CDIN1: variants seen among roughly 807,000 people sequenced by gnomAD.
CDIN1 encodes the protein CDAN1 interacting nuclease 1, also known as CDAN1-interacting nuclease 1.
CDIN1 carries 33 observed loss-of-function variants against 45.3 expected under a neutral mutation model. The ratio of observed to expected loss-of-function variants is 0.73; its 90% CI spans 0.55 to 0.97. CDIN1 has a LOEUF of 0.97. Among genes scored for constraint, CDIN1 ranks in the 50% least tolerant of loss-of-function variants. The pLI, the probability that CDIN1 is intolerant of heterozygous loss-of-function variation, is 0.00. For synonymous variants in CDIN1, 118 were observed against 124.4 expected (o/e 0.95, Z 0.34); for missense variants, 303 against 339.4 (o/e 0.89, Z 0.84).
At chr15:36,727,278 A>G (rs931643985) in intron 10 of CDIN1, among the ~76,000 whole-genome samples, 24 of 151,916 alleles carry the variant, frequency 1.6e-4, no homozygotes, top group Admixed American at 2.0e-4. Flanking sequence ...TATCTGCCAA[A>G]TTTAAGTTAA....
At chr15:36,657,054 GA>G (rs2040811437) in intron 4 of CDIN1, among the ~76,000 whole-genome samples, 1 of 152,080 alleles carries the variant, frequency 6.6e-6, no homozygotes, top group Admixed American at 6.5e-5. Context: ...CCCCAAAGAA[GA>G]CAATATCTTT....
At chr15:36,779,404 C>T (rs181991697) in intron 10 of CDIN1, among the ~76,000 whole-genome samples, 30 of 152,228 alleles carry the variant, frequency 2.0e-4, no homozygotes, top group Admixed American at 1.6e-3. Flanking sequence ...GTTCAAATCT[C>T]GCTCCCTACA....
chr15:36,702,056 C>T (rs1216367113), intron 8 of CDIN1: 3 of 701,982 alleles, frequency 4.3e-6, no homozygotes, highest in African/African-American at 3.5e-5. Context: ...ATTTAGAATA[C>T]CAAGACTGTG....
intron 10 of CDIN1, among the ~76,000 whole-genome samples, chr15:36,717,737 T>G (rs912555145): frequency 6.6e-6 from 1 of 152,136 alleles, no homozygotes; most frequent in African/African-American, 2.4e-5. Context: ...ATTTTTACCT[T>G]TTTACAAAAT....
Position 36,761,306 on chromosome 15 carries a change from T to C in CDIN1, c.717-47018T>C, listed in dbSNP as rs192978764. Among the ~76,000 whole-genome samples the C allele has an allele frequency of 5.8e-4, 89 of 152,340 alleles. 1 individual carries two copies. Among genetic ancestry groups the C allele is most frequent in the East Asian group, 5.6e-3 (29 of 5,184 alleles). On this transcript the variant is annotated intron_variant, in intron 10 of 10. Transcript: ENST00000566621. ...CACTGTAGATTGTTTCCGTTGTGCATATAATTGCTTCATTGCTAGTAACTG... is the reference window on the plus strand; with the variant it reads ...CACTGTAGATTGTTTCCGTTGTGCACATAATTGCTTCATTGCTAGTAACTG...
intron 1 of CDIN1, chr15:36,640,675 G>T: frequency 1.0e-6 from 1 of 984,178 alleles, no homozygotes. Context: ...GCATGCTTTA[G>T]CTGTCCATCT....
chr15:36,775,145 A>C (rs942389657), intron 10 of CDIN1, among the ~76,000 whole-genome samples: 12 of 152,338 alleles, frequency 7.9e-5, no homozygotes, highest in African/African-American at 2.9e-4. Flanking sequence ...GAAATAACTT[A>C]CCAAACTTTT....
chr15:36,699,856 A>C (rs964429980), intron 8 of CDIN1, among the ~76,000 whole-genome samples: 11 of 152,302 alleles, frequency 7.2e-5, no homozygotes, highest in African/African-American at 2.6e-4. Context: ...GAAGATTTGA[A>C]TGTACTGATA....
chr15:36,694,220 G>A (rs2042346085), intron 7 of CDIN1, among the ~76,000 whole-genome samples: 1 of 152,184 alleles, frequency 6.6e-6, no homozygotes, highest in Non-Finnish European at 1.5e-5. Context: ...CTGCATTGAA[G>A]TAGTAGCAGT....
chr15:36,746,436 A>G (rs1566946539), intron 10 of CDIN1, among the ~76,000 whole-genome samples: 1 of 152,190 alleles, frequency 6.6e-6, no homozygotes. Flanking sequence ...TAGGTTGGAA[A>G]GAAAGGTATT....
intron 1 of CDIN1, among the ~76,000 whole-genome samples, chr15:36,619,497 AT>A (rs2140304944): frequency 1.3e-5 from 2 of 151,990 alleles, no homozygotes; most frequent in East Asian, 3.9e-4. Context: ...CTATCTATCT[AT>A]CTATCTATCT....
At chr15:36,640,039 A>C (rs755753434) in intron 1 of CDIN1, among the ~76,000 whole-genome samples, 19 of 152,008 alleles carry the variant, frequency 1.2e-4, no homozygotes, top group Non-Finnish European at 2.6e-4. Flanking sequence ...TAGTTTACAG[A>C]TTTTTCCCTT....
At chr15:36,770,281 A>C (rs916734089) in intron 10 of CDIN1, among the ~76,000 whole-genome samples, 3 of 151,622 alleles carry the variant, frequency 2.0e-5, no homozygotes, top group Non-Finnish European at 2.9e-5. Context: ...CAGGAAAAAA[A>C]GGGGAGGGAG....
At chr15:36,766,779 C>G (rs11073195) in intron 10 of CDIN1, among the ~76,000 whole-genome samples, 134,879 of 152,178 alleles carry the variant, frequency 0.89, 62,006 homozygotes, top group East Asian at 1. Context: ...TGGGATTTTT[C>G]TTGTTATTTG....
At chr15:36,784,882 T>G (rs1168529855) in intron 10 of CDIN1, among the ~76,000 whole-genome samples, 1 of 152,192 alleles carries the variant, frequency 6.6e-6, no homozygotes, top group Non-Finnish European at 1.5e-5. Flanking sequence ...TAAGCTCCAC[T>G]TGATCAAGAC....
chr15:36,793,665 T>G (rs146456741), intron 10 of CDIN1, among the ~76,000 whole-genome samples: 69 of 152,350 alleles, frequency 4.5e-4, no homozygotes, highest in African/African-American at 1.5e-3. Flanking sequence ...CTTCAACTGT[T>G]TCTTTACAAG....
At chr15:36,636,661 G>A (rs2039911654) in intron 1 of CDIN1, among the ~76,000 whole-genome samples, 2 of 152,220 alleles carry the variant, frequency 1.3e-5, no homozygotes, top group African/African-American at 4.8e-5. Context: ...AGTAAGCAGA[G>A]ATATATGCAA....
chr15:36,584,558 A>C (rs7359219), intron 1 of CDIN1, among the ~76,000 whole-genome samples: 55,482 of 152,102 alleles, frequency 0.36, 10,282 homozygotes, highest in Middle Eastern at 0.46. Context: ...TTTATTTTAC[A>C]GTAATTTGTA....
At chr15:36,648,299 TATATG>T (rs971843002) in intron 3 of CDIN1, among the ~76,000 whole-genome samples, 11 of 152,178 alleles carry the variant, frequency 7.2e-5, no homozygotes, top group African/African-American at 2.7e-4. Flanking sequence ...TGGAAAAATG[TATATG>T]ATATAATATT....
Sources: allele counts gnomAD v4.1 joint callset (sites outside exome capture counted in the v4.1 genomes callset), GRCh38; gene constraint gnomAD v4.1.1; transcripts MANE v1.5; gene names NCBI Gene and HGNC (gene_info 2026-07-23, HGNC 2026-07-21).